The following ARMH4 variants were observed in gnomAD, a reference collection of about 807,000 sequenced individuals.
The protein encoded by ARMH4 is armadillo like helical domain containing 4.
Under a neutral mutation model 61.9 loss-of-function variants are expected in ARMH4, and 49 were observed. The observed-to-expected ratio is 0.79, with a 90% CI of 0.63 to 1.00. The LOEUF (loss-of-function observed/expected upper bound fraction) is 1.00. ARMH4 is among the 50% of genes least tolerant of loss of function. The probability of loss-of-function intolerance (pLI) is 0.00; values close to 1 mark genes in which losing one functional copy is unlikely to be tolerated. For missense variants in ARMH4, 934 were observed against 930.0 expected (o/e 1.00, Z -0.06); for synonymous variants, 368 against 341.5 (o/e 1.08, Z -0.85).
At chr14:58,071,602 G>C (rs1033243057) in intron 5 of ARMH4, among the ~76,000 whole-genome samples, 1 of 151,956 alleles carries the variant, frequency 6.6e-6, no homozygotes, top group African/African-American at 2.4e-5. Flanking sequence ...AAACACCCCA[G>C]TGAGGAGTAA....
At chr14:58,118,057 T>C (rs1304968851) in intron 4 of ARMH4, among the ~76,000 whole-genome samples, 1 of 152,178 alleles carries the variant, frequency 6.6e-6, no homozygotes, top group Admixed American at 6.6e-5. Flanking sequence ...TCCACTCACT[T>C]ATTCTACTCA....
chr14:58,082,039 T>A (rs1885245872), intron 5 of ARMH4, among the ~76,000 whole-genome samples: 1 of 152,062 alleles, frequency 6.6e-6, no homozygotes, highest in South Asian at 2.1e-4. Flanking sequence ...AAAACTCTCA[T>A]CAATTATTTG....
At chr14:58,039,025 G>T (rs904760461) in intron 5 of ARMH4, among the ~76,000 whole-genome samples, 3 of 152,156 alleles carry the variant, frequency 2.0e-5, no homozygotes, top group Non-Finnish European at 4.4e-5. Flanking sequence ...TACCACATTT[G>T]TGCAGTGTCC....
At chr14:58,011,266 G>T (rs1403294652) in intron 6 of ARMH4, among the ~76,000 whole-genome samples, 2 of 152,126 alleles carry the variant, frequency 1.3e-5, no homozygotes, top group Admixed American at 1.3e-4. Flanking sequence ...ATTGAATGTT[G>T]TATTCTTTAA....
intron 4 of ARMH4, among the ~76,000 whole-genome samples, chr14:58,117,540 G>T (rs971042455): frequency 6.6e-6 from 1 of 152,090 alleles, no homozygotes; most frequent in African/African-American, 2.4e-5. Flanking sequence ...CATGCATTTA[G>T]CTCCTTGAAA....
intron 1 of ARMH4, among the ~76,000 whole-genome samples, 156 bp downstream of exon 1, chr14:58,151,919 G>C (rs549097278): frequency 6.6e-6 from 1 of 152,242 alleles, no homozygotes; most frequent in South Asian, 2.1e-4. Context: ...GAGGAGGATC[G>C]GGGCGCACGC....
At chr14:58,144,094 G>A (rs1887655454) in intron 1 of ARMH4, among the ~76,000 whole-genome samples, 1 of 152,132 alleles carries the variant, frequency 6.6e-6, no homozygotes. Flanking sequence ...TTTTAAAAAA[G>A]AGAAAATGGC....
At chr14:58,095,335 G>A (rs572126277) in intron 5 of ARMH4, among the ~76,000 whole-genome samples, 41 of 152,244 alleles carry the variant, frequency 2.7e-4, no homozygotes, top group Admixed American at 5.9e-4. Context: ...GTCACTTTAC[G>A]TGTAGATTTG....
intron 5 of ARMH4, among the ~76,000 whole-genome samples, chr14:58,025,484 A>T (rs193144350): frequency 1.8e-3 from 279 of 152,304 alleles, no homozygotes; most frequent in African/African-American, 6.4e-3. Flanking sequence ...GCTCCATCTA[A>T]ATAAATGAAA....
At chr14:58,115,497 T>C (rs750857918) in intron 4 of ARMH4, among the ~76,000 whole-genome samples, 19 of 152,206 alleles carry the variant, frequency 1.2e-4, no homozygotes, top group Non-Finnish European at 2.5e-4. Flanking sequence ...ATTCAGCCCC[T>C]GTGGAAAGCA....
chr14:58,009,219 T>C (rs1337700522), intron 6 of ARMH4, among the ~76,000 whole-genome samples: 1 of 152,134 alleles, frequency 6.6e-6, no homozygotes, highest in Admixed American at 6.5e-5. Context: ...GTCAGTGGCA[T>C]AAGAAAATTT....
At chr14:58,120,771 T>C (rs1474037144) in intron 4 of ARMH4, among the ~76,000 whole-genome samples, 1 of 152,178 alleles carries the variant, frequency 6.6e-6, no homozygotes, top group Non-Finnish European at 1.5e-5. Flanking sequence ...TTAATCTCTT[T>C]AGGATTGGGA....
In ARMH4 at chr14:58,139,354, C is replaced by G. The variant is rs113146226; in HGVS notation, c.5G>C (p.Arg2Thr). The G allele has an allele frequency of 1.2e-6, 2 of 1,613,716 alleles. No individual in the cohort carries two copies. The highest frequency in any genetic ancestry group is 1.7e-6 in the Non-Finnish European group (2 of 1,180,010). Residue 2 changes from arginine (R) to threonine (T), a missense_variant, in exon 2 of 8, where the codon AGA (arginine) becomes ACA (threonine). Transcript: ENST00000267485. Reference protein sequence around the residue: MRGPIVLHICLA... With the variant: MTGPIVLHICLA... ...ACAAATGTGCAATACAATCGGTCCT[C>G]TCATAGTGGAAGAGAAATGGCACGT...
intron 5 of ARMH4, among the ~76,000 whole-genome samples, chr14:58,076,617 T>A (rs1885057462): frequency 1.3e-5 from 2 of 152,222 alleles, no homozygotes; most frequent in African/African-American, 4.8e-5. Flanking sequence ...CTACTGAATT[T>A]TATTATATGT....
In ARMH4 at chr14:58,004,524, C is replaced by G; in HGVS notation, c.*212G>C. The G allele has an allele frequency of 2.4e-6, 1 of 422,652 alleles. No homozygotes were observed. Among genetic ancestry groups the G allele is most frequent in the South Asian group, 5.8e-5 (1 of 17,390 alleles). The allele number at this position is 422,652 out of a possible 1,614,324, so 26.2% of individuals were successfully genotyped here. On this transcript the variant is annotated 3_prime_UTR_variant, in exon 8 of 8. Transcript: ENST00000267485. ...GCCCACGGTTGTGGAAAATTCACTA[C>G]AGAATAAAACCAAATACTGCATGAT...
intron 1 of ARMH4, among the ~76,000 whole-genome samples, chr14:58,139,665 T>C (rs952498764): frequency 1.3e-5 from 2 of 152,248 alleles, no homozygotes; most frequent in Non-Finnish European, 2.9e-5. Flanking sequence ...ATTAAGTTCG[T>C]TGTTTCTTAA....
chr14:58,017,458 A>G (rs563245358), intron 5 of ARMH4, among the ~76,000 whole-genome samples: 12 of 152,364 alleles, frequency 7.9e-5, no homozygotes, highest in African/African-American at 2.9e-4. Context: ...TACAAAATCA[A>G]CATGCACAAA....
intron 4 of ARMH4, among the ~76,000 whole-genome samples, chr14:58,110,133 C>T (rs536566437): frequency 2.1e-4 from 32 of 152,218 alleles, no homozygotes; most frequent in Admixed American, 8.5e-4. Context: ...AGAGCCAAAC[C>T]GTATCAATAG....
intron 1 of ARMH4, among the ~76,000 whole-genome samples, chr14:58,142,948 G>A (rs1037325132): frequency 1.3e-5 from 2 of 152,066 alleles, no homozygotes; most frequent in Non-Finnish European, 2.9e-5. Flanking sequence ...TAGAGCTAAG[G>A]CTTCCTGCCA....
Sources: allele counts gnomAD v4.1 joint callset (sites outside exome capture counted in the v4.1 genomes callset), GRCh38; gene constraint gnomAD v4.1.1; transcripts MANE v1.5; gene names NCBI Gene and HGNC (gene_info 2026-07-23, HGNC 2026-07-21).